ADAM19: variants seen among roughly 807,000 people sequenced by gnomAD.
The protein encoded by ADAM19 is disintegrin and metalloproteinase domain-containing protein 19.
Under a neutral mutation model 114.7 loss-of-function variants are expected in ADAM19, and 65 were observed. The ratio of observed to expected loss-of-function variants is 0.57; its 90% CI spans 0.46 to 0.70. ADAM19 has a LOEUF of 0.70. Ranked by LOEUF, ADAM19 falls within the 30% of genes least tolerant of loss-of-function variation. The pLI is 0.00. For synonymous variants in ADAM19, 466 were observed against 460.5 expected (o/e 1.01, Z -0.15); for missense variants, 1,063 against 1,204.7 (o/e 0.88, Z 1.74).
At position 157,478,550 on chromosome 5, in the gene ADAM19, A is replaced by G. The variant is rs1754662441; in HGVS notation, c.*2399T>C. 1 of 984,600 alleles carries G rather than the reference A, an allele frequency of 1.0e-6. No individual in the cohort carries two copies. Among genetic ancestry groups the G allele is most frequent in the East Asian group, 1.1e-4 (1 of 8,790 alleles). The allele number at this position is 984,600 out of a possible 1,614,324, so 61.0% of individuals were successfully genotyped here. A position where few individuals can be genotyped will look rare whatever the true frequency, so the allele number is the denominator to read the frequency against. On this transcript the variant is annotated 3_prime_UTR_variant, in exon 23 of 23. Coordinates refer to ENST00000257527, the MANE Select transcript of ADAM19 (RefSeq NM_033274.5). ...TCTCTCCTTCCCTAAGCCCAGATTTATTTGTATTTGACACCTCAAAACAGC... is the reference window on the plus strand; with the variant it reads ...TCTCTCCTTCCCTAAGCCCAGATTTGTTTGTATTTGACACCTCAAAACAGC...
At chr5:157,569,616 G>C (rs549574170) in intron 2 of ADAM19, among the ~76,000 whole-genome samples, 13 of 151,634 alleles carry the variant, frequency 8.6e-5, no homozygotes, top group Non-Finnish European at 1.9e-4. Context: ...AGCCTTTTTG[G>C]ACATGTCTGT....
intron 3 of ADAM19, among the ~76,000 whole-genome samples, chr5:157,545,728 A>G (rs1757031014): frequency 6.6e-6 from 1 of 152,214 alleles, no homozygotes; most frequent in South Asian, 2.1e-4. Flanking sequence ...CCATCATTTC[A>G]ATAAACTAGA....
intron 2 of ADAM19, among the ~76,000 whole-genome samples, chr5:157,567,830 A>C (rs1257971907): frequency 6.6e-6 from 1 of 151,992 alleles, no homozygotes; most frequent in Non-Finnish European, 1.5e-5. Flanking sequence ...GAAAGAAAGA[A>C]AGACGACACA....
At chr5:157,521,787 C>T (rs774880976) in intron 5 of ADAM19, among the ~76,000 whole-genome samples, 1 of 152,228 alleles carries the variant, frequency 6.6e-6, no homozygotes. Flanking sequence ...AGCTGCTGCA[C>T]GCATCCTGTT....
At chr5:157,482,879 A>T (rs1235007216) in intron 21 of ADAM19, among the ~76,000 whole-genome samples, 1 of 152,238 alleles carries the variant, frequency 6.6e-6, no homozygotes, top group Non-Finnish European at 1.5e-5. Context: ...TGCAGCCATA[A>T]AAAAGGATGA....
chr5:157,533,773 T>C (rs892554757), intron 4 of ADAM19, among the ~76,000 whole-genome samples: 4 of 152,024 alleles, frequency 2.6e-5, no homozygotes, highest in Admixed American at 6.6e-5. Context: ...TAGACCATCC[T>C]GGCCAACAAC....
intron 3 of ADAM19, among the ~76,000 whole-genome samples, chr5:157,550,599 T>C (rs1757167448): frequency 6.6e-6 from 1 of 152,154 alleles, no homozygotes; most frequent in African/African-American, 2.4e-5. Context: ...CTGCATGACT[T>C]TGTAAATATA....
At chr5:157,492,848 G>C in intron 16 of ADAM19, 125 bp downstream of exon 16, 1 of 970,634 alleles carries the variant, frequency 1.0e-6, no homozygotes, top group South Asian at 1.5e-5. Flanking sequence ...GCTTCATGAA[G>C]GGAGCCACCA....
intron 2 of ADAM19, among the ~76,000 whole-genome samples, chr5:157,564,992 CT>C (rs1374279244): frequency 1.3e-5 from 2 of 152,184 alleles, no homozygotes; most frequent in African/African-American, 4.8e-5. Context: ...AGGGGATCCT[CT>C]TCGTAGTGGG....
intron 3 of ADAM19, among the ~76,000 whole-genome samples, chr5:157,541,439 G>A (rs1033564237): frequency 1.3e-5 from 2 of 152,158 alleles, no homozygotes; most frequent in Admixed American, 1.3e-4. Flanking sequence ...CCACGGACAG[G>A]CAGAAATCAG....
chr5:157,498,448 A>C (rs1702908837), intron 13 of ADAM19, among the ~76,000 whole-genome samples: 1 of 152,184 alleles, frequency 6.6e-6, no homozygotes, highest in African/African-American at 2.4e-5. Flanking sequence ...TCACTCACCC[A>C]CAACTCAGGA....
chr5:157,556,786 C>A (rs1394638964), intron 3 of ADAM19, among the ~76,000 whole-genome samples: 3 of 152,228 alleles, frequency 2.0e-5, no homozygotes, highest in Non-Finnish European at 4.4e-5. Context: ...ACAACAATAT[C>A]TCATTCAAAG....
In ADAM19 at chr5:157,567,834, C is replaced by T. The variant is rs374122688; in HGVS notation, c.180+3061G>A. Among the ~76,000 whole-genome samples the T allele has an allele frequency of 2.4e-4, 37 of 151,844 alleles. No individual in the cohort carries two copies. The South Asian group carries it at 5.6e-3, about 23-fold the overall frequency. ...AAAATAAAAAAGAAAGAAAGAAAGACGACACAGCAACAGAGCTACAGCAAT... is the reference window on the plus strand; with the variant it reads ...AAAATAAAAAAGAAAGAAAGAAAGATGACACAGCAACAGAGCTACAGCAAT... On this transcript the variant is annotated intron_variant, in intron 2 of 22. Coordinates refer to ENST00000257527, the MANE Select transcript of ADAM19 (RefSeq NM_033274.5).
chr5:157,575,715 C>A lies in ADAM19; in HGVS notation c.-19G>T. Reference sequence around the variant, plus strand: ...CTGGCATGGTGGCGGCGGCCCTTAGCGCTCGGCGCTCACACGCCCTCAGCC... The same window carrying A: ...CTGGCATGGTGGCGGCGGCCCTTAGAGCTCGGCGCTCACACGCCCTCAGCC... On this transcript the variant is annotated 5_prime_UTR_variant, in exon 1 of 23. Transcript: ENST00000257527. 7.6e-7 allele frequency: 1 copy of A among 1,309,476 alleles called. No homozygotes were observed. The highest frequency in any genetic ancestry group is 9.7e-7 in the Non-Finnish European group (1 of 1,030,794). The allele number at this position is 1,309,476 out of a possible 1,614,324, so 81.1% of individuals were successfully genotyped here.
At chr5:157,486,804 A>AAATCATATGCTGAAGCCCT (rs1754949447) in intron 21 of ADAM19, among the ~76,000 whole-genome samples, 1 of 152,064 alleles carries the variant, frequency 6.6e-6, no homozygotes, top group Non-Finnish European at 1.5e-5. Flanking sequence ...TAAAAAAAAA[A>AAATCATATGCTGAAGCCCT]AATCATATGC....
At position 157,513,447 on chromosome 5, in the gene ADAM19, T is replaced by C. The variant is rs748613097; in HGVS notation, c.725A>G (p.Asn242Ser). 8.1e-6 allele frequency: 13 copies of C among 1,613,980 alleles called. No individual in the cohort carries two copies. The highest frequency in any genetic ancestry group is 1.7e-5 in the Admixed American group (1 of 60,016). ...ATKHKLIEIA[N>S]YVDKFYRSLN... ...ACCTGGTCTCACCTTATCAACATAG[T>C]TGGCGATCTCTATGAGCTTGTGTTT... Residue 242 changes from asparagine (N) to serine (S), a missense_variant, in exon 8 of 23, where the codon AAC (asparagine) becomes AGC (serine). Asn to Ser is a conservative substitution (Grantham distance 46). Transcript: ENST00000257527.
chr5:157,508,965 A>C (rs75720504), intron 9 of ADAM19, among the ~76,000 whole-genome samples: 7,625 of 152,342 alleles, frequency 0.05, 255 homozygotes, highest in Middle Eastern at 0.092. Context: ...GAAGATTGAG[A>C]TGAGTCTCTT....
intron 2 of ADAM19, among the ~76,000 whole-genome samples, chr5:157,567,092 T>TA (rs1757684650): frequency 6.6e-6 from 1 of 152,206 alleles, no homozygotes; most frequent in African/African-American, 2.4e-5. Flanking sequence ...TCACCTGTTC[T>TA]GCCACCTCTG....
chr5:157,518,700 G>T, intron 7 of ADAM19, 123 bp downstream of exon 7: 1 of 916,596 alleles, frequency 1.1e-6, no homozygotes, highest in Non-Finnish European at 1.8e-6. Context: ...GAGATTTAAG[G>T]TCAAAATCAT....
Sources: allele counts gnomAD v4.1 joint callset (sites outside exome capture counted in the v4.1 genomes callset), GRCh38; gene constraint gnomAD v4.1.1; transcripts MANE v1.5; gene names NCBI Gene and HGNC (gene_info 2026-07-23, HGNC 2026-07-21).